MECOM: variants seen among roughly 807,000 people sequenced by gnomAD.
MECOM encodes histone-lysine N-methyltransferase MECOM.
In MECOM, 13 loss-of-function variants were observed where a neutral mutation model predicts 116.3. The observed-to-expected ratio is 0.11, with a 90% CI of 0.07 to 0.18. The LOEUF (loss-of-function observed/expected upper bound fraction) is 0.18, where lower values mean the gene tolerates loss of function less well. Ranked by LOEUF, MECOM falls within the 10% of genes least tolerant of loss-of-function variation. The pLI is 1.00. For missense variants in MECOM, 1,299 were observed against 1,509.0 expected, an observed-to-expected ratio of 0.86 and a Z score of 2.31; for synonymous variants, 528 against 535.2, an observed-to-expected ratio of 0.99 and a Z score of 0.19.
rs1357470239 is a variant in MECOM at position 169,482,914 on chromosome 3, C to A, written c.38-101390G>T. 2.0e-5 allele frequency among the ~76,000 whole-genome samples: 3 copies of A among 152,160 alleles called. No individual in the cohort carries two copies. The East Asian group carries it at 5.8e-4, about 29-fold the overall frequency. On this transcript the variant is annotated intron_variant, in intron 1 of 16. Transcript: ENST00000651503. ...TTTCTAATGGAAGTCTCCAAAAGTA[C>A]ATAACAATACATATATTGACTTCTT...
chr3:169,396,522 C>T (rs1735045897), intron 1 of MECOM, among the ~76,000 whole-genome samples: 1 of 152,206 alleles, frequency 6.6e-6, no homozygotes, highest in African/African-American at 2.4e-5. Flanking sequence ...TTTGGATACA[C>T]TATGTTAAAT....
At chr3:169,438,358 A>G (rs548159428) in intron 1 of MECOM, among the ~76,000 whole-genome samples, 1 of 152,290 alleles carries the variant, frequency 6.6e-6, no homozygotes, top group East Asian at 1.9e-4. Context: ...ACCCTGAGAC[A>G]ATGGTTCAAG....
At chr3:169,192,984 C>T (rs918997066) in intron 2 of MECOM, among the ~76,000 whole-genome samples, 2 of 151,950 alleles carry the variant, frequency 1.3e-5, no homozygotes, top group African/African-American at 2.4e-5. Context: ...TCCATTCAGA[C>T]ATTTTATCAG....
intron 1 of MECOM, among the ~76,000 whole-genome samples, chr3:169,455,849 G>A (rs369013536): frequency 2.0e-5 from 3 of 152,236 alleles, no homozygotes; most frequent in Admixed American, 6.5e-5. Context: ...TGTCCATCAT[G>A]AATGTTGCTC....
At chr3:169,319,366 T>G (rs568199481) in intron 2 of MECOM, among the ~76,000 whole-genome samples, 79 of 151,076 alleles carry the variant, frequency 5.2e-4, no homozygotes, top group African/African-American at 1.8e-3. Flanking sequence ...TAAGAGGGAG[T>G]TGAACAATGA....
intron 2 of MECOM, among the ~76,000 whole-genome samples, chr3:169,243,510 T>A (rs1384638356): frequency 6.6e-6 from 1 of 152,176 alleles, no homozygotes; most frequent in Admixed American, 6.5e-5. Context: ...GCATTTCAAT[T>A]AAGTGTTTTT....
intron 1 of MECOM, among the ~76,000 whole-genome samples, chr3:169,602,713 G>C (rs1205410013): frequency 6.6e-6 from 1 of 152,074 alleles, no homozygotes; most frequent in Non-Finnish European, 1.5e-5. Context: ...TAGTCAAAAA[G>C]AAAAAATAAA....
At chr3:169,282,488 A>G (rs1712288985) in intron 2 of MECOM, among the ~76,000 whole-genome samples, 1 of 152,238 alleles carries the variant, frequency 6.6e-6, no homozygotes, top group Non-Finnish European at 1.5e-5. Flanking sequence ...ACATTGCCAC[A>G]TGCTATGAAT....
chr3:169,564,186 A>T (rs1047743773), intron 1 of MECOM, among the ~76,000 whole-genome samples: 1 of 152,198 alleles, frequency 6.6e-6, no homozygotes, highest in Non-Finnish European at 1.5e-5. Context: ...AAAAGAAAAA[A>T]CTTATTTCAA....
At chr3:169,491,249 G>A (rs773613933) in intron 1 of MECOM, among the ~76,000 whole-genome samples, 7 of 152,092 alleles carry the variant, frequency 4.6e-5, no homozygotes, top group South Asian at 2.1e-4. Context: ...CCTGGAATCA[G>A]GTCTAAAGTC....
At chr3:169,237,258 A>G (rs1754178748) in intron 2 of MECOM, among the ~76,000 whole-genome samples, 1 of 152,206 alleles carries the variant, frequency 6.6e-6, no homozygotes, top group Non-Finnish European at 1.5e-5. Context: ...ATTAAAAATA[A>G]CAATATACTA....
chr3:169,286,830 G>T (rs555620612), intron 2 of MECOM, among the ~76,000 whole-genome samples: 2 of 152,006 alleles, frequency 1.3e-5, no homozygotes, highest in East Asian at 1.9e-4. Context: ...CCAACGCCCC[G>T]AGAAGAACCC....
At chr3:169,645,928 A>G (rs976957076) in intron 1 of MECOM, among the ~76,000 whole-genome samples, 1 of 152,108 alleles carries the variant, frequency 6.6e-6, no homozygotes, top group Non-Finnish European at 1.5e-5. Flanking sequence ...TGGGGTTAGT[A>G]TTTTTAAGCA....
At chr3:169,109,766 G>A (rs1335046506) in intron 9 of MECOM, among the ~76,000 whole-genome samples, 3 of 152,118 alleles carry the variant, frequency 2.0e-5, no homozygotes, top group Admixed American at 6.5e-5. Flanking sequence ...ATTCCAAAAC[G>A]CAATAATATA....
chr3:169,130,357 T>C (rs1286382114), intron 4 of MECOM, among the ~76,000 whole-genome samples: 1 of 152,148 alleles, frequency 6.6e-6, no homozygotes, highest in East Asian at 1.9e-4. Flanking sequence ...AGACACCCTC[T>C]TCAGGCTCAA....
At chr3:169,450,413 T>C (rs750813772) in intron 1 of MECOM, among the ~76,000 whole-genome samples, 2 of 152,148 alleles carry the variant, frequency 1.3e-5, no homozygotes, top group Non-Finnish European at 2.9e-5. Context: ...TAAGGCCATG[T>C]TCCTTGCAGG....
In MECOM at chr3:169,351,336, T is replaced by C. The variant is rs1034573832; in HGVS notation, c.375+29851A>G. Among the ~76,000 whole-genome samples, 11 of 151,906 alleles carry C rather than the reference T, an allele frequency of 7.2e-5. No individual in the cohort carries two copies. The South Asian group carries it at 1.9e-3, about 26-fold the overall frequency. ...AAAGTTTTGTCTACATAAAAAAGTA[T>C]TGCATATCTATATGATAGATATTTT... On this transcript the variant is annotated intron_variant, in intron 2 of 16. Transcript: ENST00000651503.
intron 2 of MECOM, among the ~76,000 whole-genome samples, chr3:169,243,916 C>G (rs1755219819): frequency 6.6e-6 from 1 of 152,198 alleles, no homozygotes; most frequent in African/African-American, 2.4e-5. Context: ...GCCTAACCCT[C>G]AAAAGTCTCC....
At chr3:169,115,275 G>A (rs913595022) in intron 8 of MECOM, 108 bp downstream of exon 8, 3 of 1,205,596 alleles carry the variant, frequency 2.5e-6, no homozygotes, top group Admixed American at 5.6e-5. Flanking sequence ...ACTTCACTCT[G>A]TTTTATAATA....
Sources: gnomAD v4.1 joint callset for allele counts (sites outside exome capture counted in the v4.1 genomes callset) on GRCh38, gnomAD v4.1.1 for gene constraint, MANE v1.5 for transcripts, NCBI Gene and HGNC (gene_info 2026-07-23, HGNC 2026-07-21) for gene names.